INPP5D: variants seen among roughly 807,000 people sequenced by gnomAD.
INPP5D encodes the protein inositol polyphosphate-5-phosphatase D.
In INPP5D, 33 loss-of-function variants were observed where a neutral mutation model predicts 122.9. That is an observed-to-expected ratio of 0.27 (90% CI 0.20 to 0.36). The LOEUF (loss-of-function observed/expected upper bound fraction) is 0.36. Ranked by LOEUF, INPP5D falls within the 10% of genes least tolerant of loss-of-function variation. The pLI, the probability that INPP5D is intolerant of heterozygous loss-of-function variation, is 1.00. For synonymous variants in INPP5D, 584 were observed against 576.2 expected (o/e 1.01, Z -0.19); for missense variants, 1,053 against 1,412.7 (o/e 0.75, Z 4.08).
In INPP5D at chr2:233,198,194, G is replaced by C; in HGVS notation, c.2793G>C (p.Gln931His). The C allele has an allele frequency of 1.6e-5, 26 of 1,613,636 alleles. No individual in the cohort carries two copies. Among genetic ancestry groups the C allele is most frequent in the Non-Finnish European group, 2.2e-5 (26 of 1,179,890 alleles). The change falls in exon 25 of 27, where the codon CAG (glutamine) becomes CAC (histidine). Residue 931 changes from glutamine to histidine, a missense_variant. Physicochemically the swap from Gln to His is conservative, Grantham distance 24. Transcript: ENST00000445964. ...FGPPMPLHVK[Q>H]TLSPDQQPTA... Reference sequence around the variant, plus strand: ...CACCAATGCCCCTGCACGTGAAGCAGACCTTGTCCCCTGACCAGCAGCCCA... The same window carrying C: ...CACCAATGCCCCTGCACGTGAAGCACACCTTGTCCCCTGACCAGCAGCCCA...
rs1695004596 is a variant in INPP5D, at chr2:233,189,783, T to C, written c.2359-67T>C. 6.3e-7 allele frequency: 1 copy of C among 1,577,984 alleles called. No homozygotes were observed. Among genetic ancestry groups the C allele is most frequent in the Non-Finnish European group, 8.6e-7 (1 of 1,163,104 alleles). On this transcript the variant is annotated intron_variant, in intron 21 of 26. Coordinates refer to ENST00000445964, the MANE Select transcript of INPP5D (RefSeq NM_001017915.3). This position sits in a 1 kb window ranked among gnomAD's most constrained non-coding sequence, Gnocchi z 5.6. ...ACCTTTCGTCATCTTCATCCACTTG[T>C]CCACCCACCTGTCCCCTCACCTGTC...
chr2:233,154,258 C>T (rs1017321390), intron 9 of INPP5D, among the ~76,000 whole-genome samples: 1 of 152,218 alleles, frequency 6.6e-6, no homozygotes. Flanking sequence ...AGGCGATTCT[C>T]GTGCCTCAGC....
At chr2:233,137,854 AT>A (rs1156495110) in intron 5 of INPP5D, among the ~76,000 whole-genome samples, 1,430 of 8,708 alleles carry the variant, frequency 0.16, 265 homozygotes, top group Non-Finnish European at 0.18. Flanking sequence ...AAAAAAAAAA[AT>A]ATATATATAT....
chr2:233,115,018 C>G (rs1387530097), intron 2 of INPP5D, among the ~76,000 whole-genome samples: 5 of 152,124 alleles, frequency 3.3e-5, no homozygotes, highest in Non-Finnish European at 7.4e-5. Flanking sequence ...CAGGCATGTG[C>G]CACCGCGCCT....
chr2:233,159,240 G>A (rs1553586073), intron 10 of INPP5D, among the ~76,000 whole-genome samples: 1 of 152,210 alleles, frequency 6.6e-6, no homozygotes, highest in Non-Finnish European at 1.5e-5. Flanking sequence ...CCCCCACAGT[G>A]GGTTCTTTGT....
At chr2:233,094,729 G>C (rs4284824) in intron 2 of INPP5D, among the ~76,000 whole-genome samples, 1 of 151,674 alleles carries the variant, frequency 6.6e-6, no homozygotes, top group African/African-American at 2.4e-5. Flanking sequence ...CAGAATCAGC[G>C]TTTGAACAAG....
At chr2:233,133,698 C>T (rs73105553) in intron 5 of INPP5D, among the ~76,000 whole-genome samples, 3,185 of 152,256 alleles carry the variant, frequency 0.021, 111 homozygotes, top group African/African-American at 0.073. Flanking sequence ...AGCCACATCA[C>T]GCAAGGCTTA....
intron 17 of INPP5D, among the ~76,000 whole-genome samples, chr2:233,173,419 A>G (rs1694542289): frequency 6.6e-6 from 1 of 152,178 alleles, no homozygotes; most frequent in Admixed American, 6.5e-5. Context: ...TCTTTTTCCA[A>G]TAATAAACTA....
chr2:233,202,192 G>A (rs1346015676), intron 25 of INPP5D, among the ~76,000 whole-genome samples: 1 of 152,154 alleles, frequency 6.6e-6, no homozygotes, highest in African/African-American at 2.4e-5. Flanking sequence ...GAGAGAGGGT[G>A]GTCAGAGGTC....
At chr2:233,196,708 C>T (rs1435465428) in intron 24 of INPP5D, among the ~76,000 whole-genome samples, 3 of 152,178 alleles carry the variant, frequency 2.0e-5, no homozygotes, top group African/African-American at 7.2e-5. Flanking sequence ...ATGTGGTCTC[C>T]GAGATCCAGA....
At chr2:233,088,461 C>T (rs1406248677) in intron 2 of INPP5D, among the ~76,000 whole-genome samples, 1 of 152,232 alleles carries the variant, frequency 6.6e-6, no homozygotes, top group Non-Finnish European at 1.5e-5. Flanking sequence ...CCAGCAGCCA[C>T]ATTTCCAGAG....
intron 2 of INPP5D, among the ~76,000 whole-genome samples, chr2:233,102,849 C>CAAAAAAAAAAAAAAAA (rs543054221): frequency 2.3e-5 from 2 of 88,848 alleles, no homozygotes; most frequent in African/African-American, 8.0e-5. Context: ...GACTCCGTCT[C>CAAAAAAAAAAAAAAAA]AAAAAAAAAA....
intron 9 of INPP5D, among the ~76,000 whole-genome samples, chr2:233,150,749 A>G (rs886187266): frequency 1.3e-5 from 2 of 152,208 alleles, no homozygotes; most frequent in African/African-American, 4.8e-5. Flanking sequence ...ACGCTGGCAC[A>G]TGGGCAGGTA....
At chr2:233,204,744 G>A in intron 26 of INPP5D, 27 bp downstream of exon 26, 1 of 1,460,180 alleles carries the variant, frequency 6.8e-7, no homozygotes, top group South Asian at 1.4e-5. Context: ...GTGGGTTCGT[G>A]TGCATTTGTG....
At chr2:233,150,648 G>A (rs952543019) in intron 9 of INPP5D, among the ~76,000 whole-genome samples, 10 of 152,142 alleles carry the variant, frequency 6.6e-5, no homozygotes, top group Admixed American at 3.3e-4. Context: ...AACTTTTGTC[G>A]GTTTAATGCA....
intron 2 of INPP5D, among the ~76,000 whole-genome samples, chr2:233,083,554 A>C (rs4075111): frequency 0.18 from 26,710 of 152,176 alleles, 2,441 homozygotes; most frequent in Admixed American, 0.21. Flanking sequence ...GTCCCACACC[A>C]AGAGAGTGGG....
intron 1 of INPP5D, among the ~76,000 whole-genome samples, chr2:233,061,694 C>T (rs1691078904): frequency 6.6e-6 from 1 of 152,178 alleles, no homozygotes; most frequent in Non-Finnish European, 1.5e-5. Context: ...AAGTGAAGGT[C>T]CTGTTAAAAG....
At chr2:233,079,078 G>A (rs528344013) in intron 1 of INPP5D, among the ~76,000 whole-genome samples, 16 of 152,186 alleles carry the variant, frequency 1.1e-4, no homozygotes, top group Admixed American at 2.6e-4. Flanking sequence ...TTTAGCTGCC[G>A]GGTCCCCACC....
At chr2:233,091,681 C>T (rs919869926) in intron 2 of INPP5D, among the ~76,000 whole-genome samples, 2 of 152,160 alleles carry the variant, frequency 1.3e-5, no homozygotes, top group African/African-American at 4.8e-5. Context: ...AACCTCGAGG[C>T]CAGCACATGA....
Sources: gnomAD v4.1 joint callset for allele counts (sites outside exome capture counted in the v4.1 genomes callset) on GRCh38, gnomAD v4.1.1 for gene constraint, Gnocchi (gnomAD v3.1) non-coding constraint, MANE v1.5 for transcripts, NCBI Gene and HGNC (gene_info 2026-07-23, HGNC 2026-07-21) for gene names.